TANC2: variants seen among roughly 807,000 people sequenced by gnomAD.
TANC2 encodes protein TANC2.
Under a neutral mutation model 210.5 loss-of-function variants are expected in TANC2, and 26 were observed. The ratio of observed to expected loss-of-function variants is 0.12; its 90% CI spans 0.09 to 0.17. The LOEUF (loss-of-function observed/expected upper bound fraction) is 0.17. Among genes scored for constraint, TANC2 ranks in the 10% least tolerant of loss-of-function variants. The pLI is 1.00. For missense variants in TANC2, 2,129 were observed against 2,608.9 expected (o/e 0.82, Z 4.01); for synonymous variants, 931 against 967.1 (o/e 0.96, Z 0.69).
chr17:63,069,099 G>A (rs1200518359), intron 2 of TANC2, among the ~76,000 whole-genome samples: 1 of 151,952 alleles, frequency 6.6e-6, no homozygotes, highest in Non-Finnish European at 1.5e-5. Context: ...ATTTGGTGAA[G>A]TTTGATAGTT....
chr17:63,346,265 A>G (rs1567937252), intron 12 of TANC2, among the ~76,000 whole-genome samples: 2 of 152,256 alleles, frequency 1.3e-5, no homozygotes, highest in Non-Finnish European at 2.9e-5. Context: ...ATGATGACAA[A>G]TTAGACTTCA....
intron 9 of TANC2, among the ~76,000 whole-genome samples, chr17:63,294,560 T>C (rs2146442899): frequency 6.6e-6 from 1 of 152,300 alleles, no homozygotes; most frequent in African/African-American, 2.4e-5. Flanking sequence ...TTTATGTTTT[T>C]CCCCATTTTA....
chr17:63,280,206 C>T (rs963040669), intron 9 of TANC2, among the ~76,000 whole-genome samples: 2 of 151,980 alleles, frequency 1.3e-5, no homozygotes, highest in African/African-American at 4.8e-5. Flanking sequence ...AACTAGAATC[C>T]AGATCTAACT....
chr17:63,084,532 C>A (rs549211701), intron 3 of TANC2, among the ~76,000 whole-genome samples: 21 of 151,478 alleles, frequency 1.4e-4, no homozygotes, highest in Non-Finnish European at 2.8e-4. Flanking sequence ...TTCTTTTCTT[C>A]TGCTTGCTTT....
intron 11 of TANC2, among the ~76,000 whole-genome samples, chr17:63,338,139 A>G (rs975381784): frequency 1.3e-5 from 2 of 152,200 alleles, no homozygotes; most frequent in African/African-American, 4.8e-5. Context: ...ATACCCAGTA[A>G]TGGGATTGCT....
chr17:63,285,623 C>G (rs1442669229), intron 9 of TANC2, among the ~76,000 whole-genome samples: 1 of 152,132 alleles, frequency 6.6e-6, no homozygotes, highest in Non-Finnish European at 1.5e-5. Context: ...CCACATGGTG[C>G]AAGTCTGGAG....
In TANC2 at chr17:63,398,930, G is replaced by T; in HGVS notation, c.3331+16G>T. 1.3e-6 allele frequency: 2 copies of T among 1,551,014 alleles called. No individual in the cohort carries two copies. Among genetic ancestry groups the T allele is most frequent in the Non-Finnish European group, 1.8e-6 (2 of 1,141,652 alleles). On this transcript the variant is annotated intron_variant, in intron 19 of 27. Transcript: ENST00000689528. Reference sequence around the variant, plus strand: ...GGAGAGACAGGTACCTCTCATGGACGTTGCCCTCAAGAATGTGTTGTGTTT... The same window carrying T: ...GGAGAGACAGGTACCTCTCATGGACTTTGCCCTCAAGAATGTGTTGTGTTT...
chr17:63,331,384 T>C (rs1380205149), intron 11 of TANC2, among the ~76,000 whole-genome samples: 3 of 152,218 alleles, frequency 2.0e-5, no homozygotes, highest in Admixed American at 6.5e-5. Context: ...TAGTGTACTT[T>C]ACCAAATAAT....
chr17:63,018,011 A>T (rs898177463), intron 2 of TANC2, among the ~76,000 whole-genome samples: 1 of 152,052 alleles, frequency 6.6e-6, no homozygotes, highest in Non-Finnish European at 1.5e-5. Flanking sequence ...AGACATGGTG[A>T]CATGTAGTCC....
At chr17:63,297,435 T>A (rs1378640732) in intron 9 of TANC2, among the ~76,000 whole-genome samples, 2 of 152,180 alleles carry the variant, frequency 1.3e-5, no homozygotes, top group Non-Finnish European at 2.9e-5. Context: ...CAATTGCTTT[T>A]CAACAAGGGT....
At chr17:63,383,404 T>C (rs970654710) in intron 15 of TANC2, among the ~76,000 whole-genome samples, 3 of 152,226 alleles carry the variant, frequency 2.0e-5, no homozygotes, top group African/African-American at 7.2e-5. Context: ...CACTGATCTT[T>C]TTACTGTTTC....
intron 26 of TANC2, among the ~76,000 whole-genome samples, chr17:63,417,704 C>T (rs1290208421): frequency 6.6e-6 from 1 of 152,130 alleles, no homozygotes; most frequent in African/African-American, 2.4e-5. Context: ...ATCCTACCCC[C>T]GGGGTAGGTA....
intron 15 of TANC2, among the ~76,000 whole-genome samples, chr17:63,380,696 C>A (rs1475808756): frequency 1.3e-5 from 2 of 152,160 alleles, no homozygotes; most frequent in African/African-American, 4.8e-5. Context: ...CAGGCTTCCC[C>A]CACAGGATAT....
intron 7 of TANC2, among the ~76,000 whole-genome samples, chr17:63,223,159 G>T (rs2145948890): frequency 6.6e-6 from 1 of 152,252 alleles, no homozygotes; most frequent in African/African-American, 2.4e-5. Flanking sequence ...TGGGTATGAA[G>T]TTTTCTTTTG....
At chr17:63,115,360 A>G (rs1238495176) in intron 4 of TANC2, among the ~76,000 whole-genome samples, 3 of 152,184 alleles carry the variant, frequency 2.0e-5, no homozygotes, top group Admixed American at 1.3e-4. Flanking sequence ...ATCACTTTGC[A>G]TGTTCTTTGA....
exon 11 of TANC2, chr17:63,318,993 C>T (rs1371758873): frequency 6.2e-7 from 1 of 1,613,456 alleles, no homozygotes; most frequent in Non-Finnish European, 8.5e-7. Flanking sequence ...CTCACACAGC[C>T]ACCTTCAGCC....
intron 4 of TANC2, among the ~76,000 whole-genome samples, chr17:63,137,292 C>T (rs1161307394): frequency 1.3e-5 from 2 of 152,106 alleles, no homozygotes; most frequent in Non-Finnish European, 2.9e-5. Flanking sequence ...TTTGGAGGGC[C>T]AGGAACCAGC....
intron 6 of TANC2, among the ~76,000 whole-genome samples, chr17:63,200,355 C>A (rs1268386360): frequency 1.3e-4 from 12 of 93,760 alleles, no homozygotes; most frequent in Non-Finnish European, 1.9e-4. Context: ...AACTCTGTCT[C>A]AAAAAAAAAA....
rs541106250 is a variant in TANC2 at position 63,200,970 on chromosome 17, T to G, written c.769+13T>G. Reference sequence around the variant, plus strand: ...AGTGGCATCATTGGTGAGTTGGTTTTTATATTGATAATTTTGTGTCCTTTT... The same window carrying G: ...AGTGGCATCATTGGTGAGTTGGTTTGTATATTGATAATTTTGTGTCCTTTT... On this transcript the variant is annotated intron_variant, in intron 7 of 27. Coordinates refer to ENST00000689528, the Ensembl canonical transcript of TANC2. 4.3e-5 allele frequency: 69 copies of G among 1,590,364 alleles called. No homozygotes were observed. Among genetic ancestry groups the G allele is most frequent in the Non-Finnish European group, 5.6e-5 (65 of 1,170,052 alleles).
Sources: gnomAD v4.1 joint callset for allele counts (sites outside exome capture counted in the v4.1 genomes callset) on GRCh38, gnomAD v4.1.1 for gene constraint, MANE v1.5 for transcripts, NCBI Gene and HGNC (gene_info 2026-07-23, HGNC 2026-07-21) for gene names.